The following WDR59 variants were observed in gnomAD, a reference collection of about 807,000 sequenced individuals.
WDR59 encodes the protein GATOR2 complex protein WDR59.
WDR59 carries 100 observed loss-of-function variants against 131.2 expected under a neutral mutation model. The observed-to-expected ratio is 0.76, with a 90% CI of 0.65 to 0.90. The LOEUF (loss-of-function observed/expected upper bound fraction) is 0.90, where lower values mean the gene tolerates loss of function less well. Among genes scored for constraint, WDR59 ranks in the 40% least tolerant of loss-of-function variants. WDR59 has a pLI of 0.00. For synonymous variants in WDR59, 601 were observed against 466.2 expected (o/e 1.29, Z -3.72); for missense variants, 1,203 against 1,262.2 (o/e 0.95, Z 0.71).
chr16:74,881,607 G>A (rs948011436), intron 25 of WDR59, among the ~76,000 whole-genome samples: 9 of 152,036 alleles, frequency 5.9e-5, no homozygotes, highest in East Asian at 3.8e-4. Context: ...GGGTGTGGGG[G>A]ATCATGACTG....
intron 8 of WDR59, among the ~76,000 whole-genome samples, chr16:74,926,128 C>G (rs1251275156): frequency 7.1e-6 from 1 of 140,936 alleles, no homozygotes; most frequent in Admixed American, 7.4e-5. Context: ...GGTGTGATCT[C>G]GGCTCACTGC....
chr16:74,887,014 C>A (rs1964801803), intron 23 of WDR59, among the ~76,000 whole-genome samples: 1 of 152,096 alleles, frequency 6.6e-6, no homozygotes, highest in Non-Finnish European at 1.5e-5. Context: ...ACTTTTTGAA[C>A]AATATTTGCT....
Position 74,904,043 on chromosome 16 carries a change from G to A in WDR59, c.1770C>T (p.Arg590=). The A allele has an allele frequency of 2.5e-6, 4 of 1,613,396 alleles. No homozygotes were observed. Among genetic ancestry groups the A allele is most frequent in the Non-Finnish European group, 3.4e-6 (4 of 1,179,834 alleles). The stretch of plus-strand genomic sequence containing the variant: ...AACGAAGGTTCCCAGGGGCCTCTGT[G>A]CGGATCTTCATGGGCGCGATCAAGC... ...HTGLIAPMKI[R]TEAPGNLRLY... is the part of the protein sequence containing the mutation. Residue 590 remains arginine (R), a synonymous_variant, in exon 18 of 26, where the codon CGC becomes CGT. Transcript: ENST00000262144.
intron 7 of WDR59, 111 bp downstream of exon 7, chr16:74,942,627 C>G: frequency 1.0e-6 from 1 of 986,968 alleles, no homozygotes; most frequent in Non-Finnish European, 1.6e-6. Flanking sequence ...ATTTACCATG[C>G]TGCACAGGGT....
intron 25 of WDR59, among the ~76,000 whole-genome samples, chr16:74,882,172 G>A (rs1964517105): frequency 6.6e-6 from 1 of 152,280 alleles, no homozygotes; most frequent in East Asian, 1.9e-4. Context: ...TAAGGGTTTA[G>A]CTGACTGATG....
intron 2 of WDR59, among the ~76,000 whole-genome samples, chr16:74,960,107 A>G (rs1238912207): frequency 6.6e-6 from 1 of 151,892 alleles, no homozygotes; most frequent in East Asian, 1.9e-4. Context: ...AGGCGGGTAG[A>G]CTGCCTGAGC....
intron 18 of WDR59, among the ~76,000 whole-genome samples, chr16:74,903,193 G>C (rs1965633535): frequency 6.6e-6 from 1 of 152,168 alleles, no homozygotes; most frequent in African/African-American, 2.4e-5. Flanking sequence ...TTCCCACTGA[G>C]CGAGAGATAA....
chr16:74,877,530 T>G lies in WDR59; in HGVS notation c.2690-3086A>C, dbSNP rs116816517. On this transcript the variant is annotated intron_variant, in intron 25 of 25. Transcript: ENST00000262144. ...TTAATTATTTACTGCTCTGTTTATTTATTGATTGATTGATTTTTATTTATT... is the reference window on the plus strand; with the variant it reads ...TTAATTATTTACTGCTCTGTTTATTGATTGATTGATTGATTTTTATTTATT... 2.6e-3 allele frequency among the ~76,000 whole-genome samples: 393 copies of G among 152,312 alleles called. 3 individuals are homozygous for G. The highest frequency in any genetic ancestry group is 8.0e-3 in the African/African-American group (334 of 41,582).
chr16:74,954,438 G>C lies in WDR59; in HGVS notation c.240+2037C>G, dbSNP rs2033177739. On this transcript the variant is annotated intron_variant, in intron 3 of 25. Transcript: ENST00000262144. ...CAAACAAACAAAAAGACATAACAAA[G>C]TACCACCTCACACCTTCACACCCAC... Among the ~76,000 whole-genome samples, 8 of 152,018 alleles carry C rather than the reference G, an allele frequency of 5.3e-5. No homozygotes were observed. The South Asian group carries it at 1.7e-3, about 31-fold the overall frequency.
At chr16:74,917,889 G>A in intron 11 of WDR59, 40 bp downstream of exon 11, 2 of 1,560,044 alleles carry the variant, frequency 1.3e-6, no homozygotes, top group Non-Finnish European at 1.8e-6. Context: ...CTTTTTGGTG[G>A]ATTCAGGTAC....
At chr16:74,909,969 GTTT>G (rs35006526) in intron 14 of WDR59, 52 bp from the exon 15 acceptor site, 303 of 939,970 alleles carry the variant, frequency 3.2e-4, no homozygotes, top group East Asian at 6.0e-4. Context: ...TCTCTGATAG[GTTT>G]TTTTTTTTTT....
Position 74,965,764 on chromosome 16 carries a change from C to T in WDR59, c.104+9G>A, listed in dbSNP as rs757317782. ...AATCATGGCAGACAAACTCGGCAAG[C>T]TTACTTACCCAGAAAGCACTGCATG... On this transcript the variant is annotated intron_variant, in intron 2 of 25. Coordinates refer to ENST00000262144, the MANE Select transcript of WDR59 (RefSeq NM_030581.4). 1 of 1,614,038 alleles carries T rather than the reference C, an allele frequency of 6.2e-7. No homozygotes were observed. The highest frequency in any genetic ancestry group is 8.5e-7 in the Non-Finnish European group (1 of 1,179,996).
chr16:74,921,170 T>C lies in WDR59; in HGVS notation c.886+777A>G, dbSNP rs556387318. On this transcript the variant is annotated intron_variant, in intron 10 of 25. Transcript: ENST00000262144. ...GGCAAACTCCTGTCATGGGGGTTTG[T>C]TGTACAGATTATTTCATCACCCAGG... Among the ~76,000 whole-genome samples the C allele has an allele frequency of 1.7e-3, 257 of 152,228 alleles. 6 individuals carry two copies. The South Asian group carries it at 0.051, about 30-fold the overall frequency.
chr16:74,941,898 G>A (rs1172611908), intron 7 of WDR59, among the ~76,000 whole-genome samples: 2 of 152,092 alleles, frequency 1.3e-5, no homozygotes, highest in Non-Finnish European at 1.5e-5. Context: ...GGGAGCAGCC[G>A]GAAGATAAGA....
At chr16:74,886,204 T>C (rs2144794802) in intron 24 of WDR59, 66 bp downstream of exon 24, 2 of 1,148,762 alleles carry the variant, frequency 1.7e-6, no homozygotes, top group East Asian at 2.3e-5. Context: ...AGAGTTGTGA[T>C]TGTGGAGAAA....
intron 8 of WDR59, among the ~76,000 whole-genome samples, chr16:74,927,908 C>CTTTTTTTTTTTTTTTTTTT (rs539167503): frequency 8.0e-6 from 1 of 124,490 alleles, no homozygotes; most frequent in African/African-American, 3.1e-5. Flanking sequence ...TTCTTTCTTT[C>CTTTTTTTTTTTTTTTTTTT]TTTTTTTTTT....
In WDR59 at chr16:74,923,955, G is replaced by A. The variant is rs1254429315; in HGVS notation, c.700C>T (p.Gln234Ter). ...TATCTGGCCTTCCAGACAGGCACCTGGCAAGGAAGAATATTGAGGTATTTC... is the reference window on the plus strand; with the variant it reads ...TATCTGGCCTTCCAGACAGGCACCTAGCAAGGAAGAATATTGAGGTATTTC... ...PRKYLNILPC[Q>*]VPVWKARYTP... Residue 234 changes from glutamine to a stop codon, truncating the protein, a stop_gained, in exon 9 of 26, where the codon CAG becomes TAG. Transcript: ENST00000262144. LOFTEE classifies it high-confidence loss of function. The A allele has an allele frequency of 6.2e-7, 1 of 1,613,726 alleles. No homozygotes were observed. The highest frequency in any genetic ancestry group is 2.2e-5 in the East Asian group (1 of 44,880).
intron 20 of WDR59, among the ~76,000 whole-genome samples, chr16:74,891,794 C>T (rs1334838515): frequency 1.3e-5 from 2 of 152,106 alleles, no homozygotes; most frequent in Non-Finnish European, 2.9e-5. Flanking sequence ...TTTGGTGGCA[C>T]GCATCTATAA....
intron 18 of WDR59, among the ~76,000 whole-genome samples, chr16:74,897,171 A>G (rs1296257021): frequency 2.6e-5 from 4 of 152,112 alleles, no homozygotes; most frequent in Non-Finnish European, 5.9e-5. Context: ...TTCTTTAGTC[A>G]CTTTCTGTCA....
Sources: gnomAD v4.1 joint callset for allele counts (sites outside exome capture counted in the v4.1 genomes callset) on GRCh38, gnomAD v4.1.1 for gene constraint, MANE v1.5 for transcripts, NCBI Gene and HGNC (gene_info 2026-07-23, HGNC 2026-07-21) for gene names.